The following CHTOP variants were observed in gnomAD, a reference collection of about 807,000 sequenced individuals.
The protein encoded by CHTOP is chromatin target of PRMT1.
A neutral mutation model predicts 33.6 loss-of-function variants in CHTOP; 18 were observed. The ratio of observed to expected loss-of-function variants is 0.54; its 90% CI spans 0.37 to 0.80. The LOEUF (loss-of-function observed/expected upper bound fraction) is 0.80. Among genes scored for constraint, CHTOP ranks in the 30% least tolerant of loss-of-function variants. The probability of loss-of-function intolerance (pLI) is 0.00; values close to 1 mark genes in which losing one functional copy is unlikely to be tolerated. For synonymous variants in CHTOP, 117 were observed against 127.7 expected (o/e 0.92, Z 0.56); for missense variants, 263 against 336.8 (o/e 0.78, Z 1.71).
At chr1:153,644,258 T>A (rs1668726374) in intron 5 of CHTOP, 1 of 152,238 alleles carries the variant, frequency 6.6e-6, no homozygotes, top group Non-Finnish European at 1.5e-5. Flanking sequence ...ATATGATACT[T>A]ACTGAGTGAA....
intron 3 of CHTOP, among the ~76,000 whole-genome samples, chr1:153,641,533 A>C (rs570984519): frequency 1.3e-5 from 2 of 152,152 alleles, no homozygotes; most frequent in Non-Finnish European, 2.9e-5. Context: ...TTTGAGTTAC[A>C]TGTTTATTTT....
Position 153,634,166 on chromosome 1 carries a change from AGAC to A in CHTOP, c.-194_-192del, listed in dbSNP as rs1668209078. ...GGGTGAGCAGACGGATCGGCCGACTAGACAGCCAACCAGCAACAACGAACTGAG... is the reference window on the plus strand; with the variant it reads ...GGGTGAGCAGACGGATCGGCCGACTAAGCCAACCAGCAACAACGAACTGAG... On this transcript the variant is annotated 5_prime_UTR_variant, in exon 1 of 6. Coordinates refer to ENST00000368694, the MANE Select transcript of CHTOP (RefSeq NM_015607.4). 1 of 152,946 alleles carries A rather than the reference AGAC, an allele frequency of 6.5e-6. No homozygotes were observed. Among genetic ancestry groups the A allele is most frequent in the Non-Finnish European group, 1.5e-5 (1 of 68,130 alleles). 9.5% of individuals were successfully genotyped at this position (152,946 alleles called of 1,614,324 possible).
chr1:153,642,750 G>C, intron 4 of CHTOP: 1 of 234,700 alleles, frequency 4.3e-6, no homozygotes, highest in East Asian at 1.1e-4. Context: ...GAAATTTATA[G>C]GTCTTTTGGC....
intron 1 of CHTOP, among the ~76,000 whole-genome samples, chr1:153,635,523 A>G (rs1348375488): frequency 6.6e-6 from 1 of 151,840 alleles, no homozygotes; most frequent in African/African-American, 2.4e-5. Context: ...ACTGCTCTAG[A>G]GTAAAAGCCA....
At chr1:153,635,629 T>C (rs1209244028) in intron 1 of CHTOP, among the ~76,000 whole-genome samples, 1 of 151,770 alleles carries the variant, frequency 6.6e-6, no homozygotes, top group Middle Eastern at 3.2e-3. Context: ...AAGACCACCC[T>C]GGCCAACGTG....
Position 153,645,897 on chromosome 1 carries a change from G to GTA in CHTOP, c.*629_*630dup, listed in dbSNP as rs1251518747. On this transcript the variant is annotated 3_prime_UTR_variant, in exon 6 of 6. Transcript: ENST00000368694. ...CTGGTTTGATTCAAGTTGCTACCAT[G>GTA]TACATTGACAGCACATATACCATAA... 3 of 153,004 alleles carry GTA rather than the reference G, an allele frequency of 2.0e-5. No individual in the cohort carries two copies. Among genetic ancestry groups the GTA allele is most frequent in the Non-Finnish European group, 4.4e-5 (3 of 68,682 alleles). The allele number at this position is 153,004 out of a possible 1,614,324, so 9.5% of individuals were successfully genotyped here.
At chr1:153,641,984 G>A (rs1386588057) in intron 3 of CHTOP, among the ~76,000 whole-genome samples, 2 of 152,222 alleles carry the variant, frequency 1.3e-5, no homozygotes, top group Non-Finnish European at 2.9e-5. Context: ...AAACTAGTGA[G>A]GTAATTTGTG....
At chr1:153,638,035 C>T in intron 2 of CHTOP, 1 of 449,880 alleles carries the variant, frequency 2.2e-6, no homozygotes, top group Non-Finnish European at 4.1e-6. Flanking sequence ...ATACCTTCCA[C>T]CTCTCTAAAA....
At chr1:153,642,140 T>G (rs879883421) in intron 3 of CHTOP, 106 bp from the exon 4 acceptor site, 6 of 923,670 alleles carry the variant, frequency 6.5e-6, no homozygotes, top group Non-Finnish European at 9.8e-6. Flanking sequence ...TTTATCTCCC[T>G]TCACACCAGC....
At chr1:153,640,341 C>T (rs1461775279) in intron 3 of CHTOP, among the ~76,000 whole-genome samples, 1 of 148,828 alleles carries the variant, frequency 6.7e-6, no homozygotes, top group Non-Finnish European at 1.5e-5. Context: ...GGCATGGTGG[C>T]GCATACCTGT....
intron 3 of CHTOP, among the ~76,000 whole-genome samples, 173 bp from the exon 4 acceptor site, chr1:153,642,073 A>G (rs566448801): frequency 6.6e-6 from 1 of 152,302 alleles, no homozygotes; most frequent in South Asian, 2.1e-4. Flanking sequence ...CTTGTATAAC[A>G]TGTTCTGAGG....
At chr1:153,636,105 T>C (rs1385080428) in intron 1 of CHTOP, among the ~76,000 whole-genome samples, 1 of 134,916 alleles carries the variant, frequency 7.4e-6, no homozygotes, top group African/African-American at 2.8e-5. Context: ...TTTTTTTTTT[T>C]CTTAGTAGAG....
intron 4 of CHTOP, 73 bp downstream of exon 4, chr1:153,642,502 G>A (rs906119727): frequency 1.9e-5 from 24 of 1,287,696 alleles, no homozygotes; most frequent in Admixed American, 1.4e-4. Context: ...TTATGGACAC[G>A]TTTGTTTAAC....
intron 1 of CHTOP, among the ~76,000 whole-genome samples, chr1:153,635,712 A>G (rs142057067): frequency 0.019 from 2,907 of 151,838 alleles, 92 homozygotes; most frequent in African/African-American, 0.067. Flanking sequence ...AGTCCCAGCT[A>G]CTCAGGAGGC....
At chr1:153,635,456 C>A (rs144067929) in intron 1 of CHTOP, among the ~76,000 whole-genome samples, 4 of 152,006 alleles carry the variant, frequency 2.6e-5, no homozygotes, top group Non-Finnish European at 5.9e-5. Flanking sequence ...CCGCCCTGTC[C>A]GGCCCTATGT....
At chr1:153,644,058 G>C (rs1668717185) in intron 5 of CHTOP, 1 of 152,124 alleles carries the variant, frequency 6.6e-6, no homozygotes, top group Non-Finnish European at 1.5e-5. Context: ...TTCTGGTTTA[G>C]AGCTTAGTGG....
chr1:153,645,831 T>C lies in CHTOP; in HGVS notation c.*562T>C, dbSNP rs1410277363. On this transcript the variant is annotated 3_prime_UTR_variant, in exon 6 of 6. Coordinates refer to ENST00000368694, the MANE Select transcript of CHTOP (RefSeq NM_015607.4). ...AGTAAACTGAGAACATTGACATCAC[T>C]ACAGGGCAGCATAAGAGGTTGCTTA... 6.4e-6 allele frequency: 1 copy of C among 155,294 alleles called. No individual in the cohort carries two copies. The highest frequency in any genetic ancestry group is 2.4e-5 in the African/African-American group (1 of 41,470). The allele number at this position is 155,294 out of a possible 1,614,324, so 9.6% of individuals were successfully genotyped here.
Position 153,646,075 on chromosome 1 carries a change from A to C in CHTOP, c.*806A>C, listed in dbSNP as rs1302282972. On this transcript the variant is annotated 3_prime_UTR_variant, in exon 6 of 6. Coordinates refer to ENST00000368694, the MANE Select transcript of CHTOP (RefSeq NM_015607.4). The stretch of plus-strand genomic sequence containing the variant: ...CCATTTGATTTGGTAGGTGTGTCAG[A>C]AGGGAGAATGATGGCAGACGAACTG... The C allele has an allele frequency of 6.6e-6, 1 of 152,290 alleles. No homozygotes were observed. Among genetic ancestry groups the C allele is most frequent in the East Asian group, 1.9e-4 (1 of 5,202 alleles). 9.4% of individuals were successfully genotyped at this position (152,290 alleles called of 1,614,324 possible).
chr1:153,643,479 T>A, intron 5 of CHTOP, 115 bp downstream of exon 5: 3 of 1,127,312 alleles, frequency 2.7e-6, no homozygotes, highest in Non-Finnish European at 3.6e-6. Context: ...GTTTGTCTTG[T>A]TTTGTTATTT....
Sources: allele counts gnomAD v4.1 joint callset (sites outside exome capture counted in the v4.1 genomes callset), GRCh38; gene constraint gnomAD v4.1.1; transcripts MANE v1.5; gene names NCBI Gene and HGNC (gene_info 2026-07-23, HGNC 2026-07-21).